The following PCDHA1 variants were observed in gnomAD, a reference collection of about 807,000 sequenced individuals.
PCDHA1 encodes protocadherin alpha-1.
PCDHA1 carries 42 observed loss-of-function variants against 61.3 expected under a neutral mutation model. That is an observed-to-expected ratio of 0.69 (90% confidence interval 0.54 to 0.89). The LOEUF is 0.89. Among genes scored for constraint, PCDHA1 ranks in the 40% least tolerant of loss-of-function variants. The pLI, the probability that PCDHA1 is intolerant of heterozygous loss-of-function variation, is 0.00. For synonymous variants in PCDHA1, 610 were observed against 553.8 expected, an observed-to-expected ratio of 1.10 and a Z score of -1.43; for missense variants, 1,256 against 1,235.3, an observed-to-expected ratio of 1.02 and a Z score of -0.25.
In PCDHA1 at chr5:140,871,291, G is replaced by T. The variant is rs2052917819; in HGVS notation, c.2394+82607G>T. 3 of 1,613,906 alleles carry T rather than the reference G, an allele frequency of 1.9e-6. No individual in the cohort carries two copies. Among genetic ancestry groups the T allele is most frequent in the African/African-American group, 2.7e-5 (2 of 75,070 alleles). ...GTGGTCGGCAACGCCCACTGAGGGC[G>T]CGTGCGCGCCGGGGAAGCCCACGCT... On this transcript the variant is annotated intron_variant, in intron 1 of 3. Transcript: ENST00000504120.
At chr5:140,865,992 T>C (rs1475339451) in intron 1 of PCDHA1, 1 of 152,212 alleles carries the variant, frequency 6.6e-6, no homozygotes, top group Non-Finnish European at 1.5e-5. Flanking sequence ...CACTAAGTTT[T>C]TTTATGTTAA....
intron 1 of PCDHA1, chr5:140,858,164 T>C: frequency 6.3e-7 from 1 of 1,597,740 alleles, no homozygotes; most frequent in Non-Finnish European, 8.6e-7. Context: ...CTGCGCGGTG[T>C]CCAGCTTGCT....
intron 1 of PCDHA1, chr5:140,823,507 G>C (rs1426749221): frequency 6.2e-7 from 1 of 1,613,236 alleles, no homozygotes; most frequent in Non-Finnish European, 8.5e-7. Flanking sequence ...CGCAGTGAGC[G>C]AGCTGGTGCC....
intron 3 of PCDHA1, among the ~76,000 whole-genome samples, chr5:140,990,304 A>T (rs114506238): frequency 3.9e-5 from 6 of 152,286 alleles, no homozygotes; most frequent in Non-Finnish European, 8.8e-5. Context: ...CATTGTCTGT[A>T]AAAAACCAAC....
intron 1 of PCDHA1, chr5:140,801,571 A>G (rs1554121550): frequency 6.2e-7 from 1 of 1,614,252 alleles, no homozygotes. Context: ...GAAGTGAAGG[A>G]CATTAATGAC....
chr5:140,939,499 A>G (rs1467638389), intron 1 of PCDHA1, among the ~76,000 whole-genome samples: 1 of 152,234 alleles, frequency 6.6e-6, no homozygotes, highest in African/African-American at 2.4e-5. Flanking sequence ...TATAAATTCA[A>G]TGTCTATAAC....
chr5:140,911,223 G>A (rs1305979222), intron 1 of PCDHA1, among the ~76,000 whole-genome samples: 1 of 152,148 alleles, frequency 6.6e-6, no homozygotes, highest in Non-Finnish European at 1.5e-5. Flanking sequence ...TGAGAAAGCT[G>A]TTTCTTCTGG....
At chr5:140,927,478 C>A (rs959432734) in intron 1 of PCDHA1, 1 of 1,614,062 alleles carries the variant, frequency 6.2e-7, no homozygotes, top group Non-Finnish European at 8.5e-7. Context: ...TCGCGAACAG[C>A]GCGCCACCCA....
In PCDHA1 at chr5:140,843,632, G is replaced by A. The variant is rs2150363931; in HGVS notation, c.2394+54948G>A. 5 of 1,595,852 alleles carry A rather than the reference G, an allele frequency of 3.1e-6. No homozygotes were observed. In the African/African-American group the frequency reaches 4.0e-5, roughly 13 times the overall value. ...GGGGCCACCGAAGACGGACCTCATG[G>A]CCTTCAGCCCCTGCCTTCCTCCTGA... On this transcript the variant is annotated intron_variant, in intron 1 of 3. Transcript: ENST00000504120.
intron 1 of PCDHA1, chr5:140,863,140 C>T: frequency 1.6e-6 from 1 of 606,732 alleles, no homozygotes; most frequent in Non-Finnish European, 3.2e-6. Flanking sequence ...CCTGCTGGTG[C>T]TGGTGAAGGA....
At chr5:140,928,074 C>CT in intron 1 of PCDHA1, 1 of 1,614,216 alleles carries the variant, frequency 6.2e-7, no homozygotes, top group Non-Finnish European at 8.5e-7. Context: ...TTGACAACTA[C>CT]TACAGCCTGC....
intron 1 of PCDHA1, chr5:140,883,371 T>C (rs2059578130): frequency 1.2e-6 from 2 of 1,614,152 alleles, no homozygotes; most frequent in East Asian, 4.5e-5. Flanking sequence ...CCTAGCGCCA[T>C]TATTGCCCTA....
At chr5:140,876,337 G>T (rs1554168488) in intron 1 of PCDHA1, 1 of 1,614,016 alleles carries the variant, frequency 6.2e-7, no homozygotes, top group Admixed American at 1.7e-5. Flanking sequence ...GCCAGTGAGT[G>T]AGAAATGTAT....
Position 140,787,745 on chromosome 5 carries a change from G to A in PCDHA1, c.1455G>A (p.Gln485=), listed in dbSNP as rs1761398577. ...FTVSARDADA[Q]ENALVSYSLV... ...TGTCTGCGCGGGACGCGGACGCGCA[G>A]GAGAACGCGCTGGTGTCCTATTCGC... The change falls in exon 1 of 4, where the codon CAG becomes CAA. Residue 485 remains glutamine, a synonymous_variant. Transcript: ENST00000504120. 1.2e-6 allele frequency: 2 copies of A among 1,613,482 alleles called. No homozygotes were observed.
intron 1 of PCDHA1, among the ~76,000 whole-genome samples, chr5:140,940,583 G>A (rs1294741133): frequency 6.6e-6 from 1 of 151,990 alleles, no homozygotes; most frequent in East Asian, 1.9e-4. Flanking sequence ...AAAGTGTTGG[G>A]ATTTCAGGCA....
chr5:140,824,033 G>A, intron 1 of PCDHA1: 2 of 1,614,182 alleles, frequency 1.2e-6, no homozygotes, highest in Non-Finnish European at 1.7e-6. Context: ...TCGCAGCAGA[G>A]GAGACAGAGG....
intron 1 of PCDHA1, among the ~76,000 whole-genome samples, chr5:140,841,009 C>T (rs1241373948): frequency 6.6e-6 from 1 of 151,948 alleles, no homozygotes; most frequent in African/African-American, 2.4e-5. Flanking sequence ...AGGAGCCAGA[C>T]AGTATGAATG....
intron 1 of PCDHA1, chr5:140,807,666 C>A: frequency 6.2e-7 from 1 of 1,614,226 alleles, no homozygotes; most frequent in Non-Finnish European, 8.5e-7. Context: ...GCCTCGGATG[C>A]AGATATCGGG....
intron 1 of PCDHA1, chr5:140,864,013 A>T: frequency 6.5e-6 from 1 of 153,164 alleles, no homozygotes; most frequent in South Asian, 2.1e-4. Flanking sequence ...AAAAAAAAGT[A>T]CATTGGAAGT....
Sources: gnomAD v4.1 joint callset for allele counts (sites outside exome capture counted in the v4.1 genomes callset) on GRCh38, gnomAD v4.1.1 for gene constraint, MANE v1.5 for transcripts, NCBI Gene and HGNC (gene_info 2026-07-23, HGNC 2026-07-21) for gene names.